CD274: variants seen among roughly 807,000 people sequenced by gnomAD.
CD274 encodes CD274 molecule.
A neutral mutation model predicts 30.1 loss-of-function variants in CD274; 8 were observed. That is an observed-to-expected ratio of 0.27 (90% CI 0.16 to 0.48). CD274 has a LOEUF of 0.48. Ranked by LOEUF, CD274 falls within the 20% of genes least tolerant of loss-of-function variation. The pLI, the probability that CD274 is intolerant of heterozygous loss-of-function variation, is 0.99. For missense variants in CD274, 353 were observed against 346.6 expected, an observed-to-expected ratio of 1.02 and a Z score of -0.15; for synonymous variants, 152 against 124.6, an observed-to-expected ratio of 1.22 and a Z score of -1.46.
At chr9:5,452,064 T>C (rs1819215395) in intron 1 of CD274, among the ~76,000 whole-genome samples, 1 of 150,124 alleles carries the variant, frequency 6.7e-6, no homozygotes, top group South Asian at 2.1e-4. Flanking sequence ...CTCACTCTGT[T>C]GCCCATGCTG....
intron 5 of CD274, among the ~76,000 whole-genome samples, chr9:5,466,447 A>C (rs1425777106): frequency 6.6e-6 from 1 of 152,214 alleles, no homozygotes; most frequent in African/African-American, 2.4e-5. Context: ...ATGCATTTTG[A>C]ATATTTCTCT....
chr9:5,458,222 T>C (rs894161248), intron 3 of CD274, among the ~76,000 whole-genome samples: 1 of 152,246 alleles, frequency 6.6e-6, no homozygotes, highest in African/African-American at 2.4e-5. Context: ...GCTTTCATTG[T>C]TGAGTTTCAC....
At chr9:5,459,962 T>G (rs1395203425) in intron 3 of CD274, among the ~76,000 whole-genome samples, 1 of 151,712 alleles carries the variant, frequency 6.6e-6, no homozygotes, top group Non-Finnish European at 1.5e-5. Flanking sequence ...ATCTAGTATA[T>G]TGTGTAGCAT....
At chr9:5,457,961 A>G (rs1303113601) in intron 3 of CD274, among the ~76,000 whole-genome samples, 1 of 152,240 alleles carries the variant, frequency 6.6e-6, no homozygotes, top group African/African-American at 2.4e-5. Flanking sequence ...TCACATTAAA[A>G]AAGACTTGAA....
chr9:5,466,851 G>C, intron 6 of CD274, 22 bp downstream of exon 6: 1 of 1,582,940 alleles, frequency 6.3e-7, no homozygotes, highest in Non-Finnish European at 8.7e-7. Flanking sequence ...AGAAGGAATT[G>C]GGAAGTAAAA....
In CD274 at chr9:5,468,147, C is replaced by T. The variant is rs1272460044; in HGVS notation, c.*285C>T. ...AGAAAGGATACTTCTGAACAAGGAG[C>T]CTCCAAGCAAATCATCCATTGCTCA... On this transcript the variant is annotated 3_prime_UTR_variant, in exon 7 of 7. Transcript: ENST00000381577. The T allele has an allele frequency of 2.3e-6, 1 of 435,772 alleles. No homozygotes were observed. Among genetic ancestry groups the T allele is most frequent in the African/African-American group, 2.0e-5 (1 of 50,328 alleles). The allele number at this position is 435,772 out of a possible 1,614,324, so 27.0% of individuals were successfully genotyped here. A position where few individuals can be genotyped will look rare whatever the true frequency, so the allele number is the denominator to read the frequency against.
intron 2 of CD274, among the ~76,000 whole-genome samples, chr9:5,456,379 A>G (rs901645531): frequency 2.0e-5 from 3 of 152,244 alleles, no homozygotes; most frequent in African/African-American, 7.2e-5. Context: ...AATATAGACA[A>G]ATTGAAAGAC....
At chr9:5,459,039 A>G (rs1362563816) in intron 3 of CD274, among the ~76,000 whole-genome samples, 1 of 152,126 alleles carries the variant, frequency 6.6e-6, no homozygotes, top group Non-Finnish European at 1.5e-5. Flanking sequence ...TGTGTAGGGA[A>G]GGGACAGCTG....
chr9:5,465,818 G>A (rs1315719168), intron 5 of CD274: 1 of 397,236 alleles, frequency 2.5e-6, no homozygotes, highest in African/African-American at 2.1e-5. Flanking sequence ...GATGGAGGTA[G>A]AAGATGCAGT....
chr9:5,456,489 A>C (rs770792833), intron 2 of CD274, among the ~76,000 whole-genome samples: 4 of 152,208 alleles, frequency 2.6e-5, no homozygotes, highest in Non-Finnish European at 5.9e-5. Flanking sequence ...CAACAAGGCC[A>C]AGATCCTTTG....
chr9:5,455,712 G>C (rs985722521), intron 1 of CD274, among the ~76,000 whole-genome samples: 1 of 152,156 alleles, frequency 6.6e-6, no homozygotes, highest in African/African-American at 2.4e-5. Flanking sequence ...GTAAAAGTCA[G>C]ATTCTCCTTG....
At chr9:5,466,304 G>T (rs1336975928) in intron 5 of CD274, among the ~76,000 whole-genome samples, 2 of 152,178 alleles carry the variant, frequency 1.3e-5, no homozygotes, top group African/African-American at 4.8e-5. Flanking sequence ...TTAACTGAGA[G>T]AGTAGAGATA....
In CD274 at chr9:5,468,121, G is replaced by A; in HGVS notation, c.*259G>A. ...GGGGCTCATCGACGCCTGTGACAGG[G>A]AGAAAGGATACTTCTGAACAAGGAG... On this transcript the variant is annotated 3_prime_UTR_variant, in exon 7 of 7. Coordinates refer to ENST00000381577, the MANE Select transcript of CD274 (RefSeq NM_014143.4). The A allele has an allele frequency of 2.0e-6, 1 of 508,034 alleles. No homozygotes were observed. The highest frequency in any genetic ancestry group is 3.5e-6 in the Non-Finnish European group (1 of 284,758). 31.5% of individuals were successfully genotyped at this position (508,034 alleles called of 1,614,324 possible). A position where few individuals can be genotyped will look rare whatever the true frequency, so the allele number is the denominator to read the frequency against.
chr9:5,453,438 A>G (rs1819243229), intron 1 of CD274, among the ~76,000 whole-genome samples: 1 of 152,236 alleles, frequency 6.6e-6, no homozygotes, highest in African/African-American at 2.4e-5. Flanking sequence ...CAGCAACACT[A>G]TTTGGGAAAA....
chr9:5,456,052 TTTAA>T, intron 1 of CD274, 44 bp from the exon 2 acceptor site: 1 of 1,038,620 alleles, frequency 9.6e-7, no homozygotes, highest in Non-Finnish European at 1.5e-6. Context: ...ATATTGTATG[TTTAA>T]TTATTAAGTG....
At position 5,469,851 on chromosome 9, in the gene CD274, A is replaced by C. The variant is rs1246183804; in HGVS notation, c.*1989A>C. The C allele has an allele frequency of 2.6e-5, 6 of 232,984 alleles. No individual in the cohort carries two copies. Among genetic ancestry groups the C allele is most frequent in the Non-Finnish European group, 4.2e-5 (5 of 117,942 alleles). The allele number at this position is 232,984 out of a possible 1,614,324, so 14.4% of individuals were successfully genotyped here. A position where few individuals can be genotyped will look rare whatever the true frequency, so the allele number is the denominator to read the frequency against. On this transcript the variant is annotated 3_prime_UTR_variant, in exon 7 of 7. Transcript: ENST00000381577. ...AATCTTATTATTAACTCTGTATGAC[A>C]GAATCATGTCTGGAACTTTTGTTTT...
At chr9:5,459,595 A>C (rs1308040292) in intron 3 of CD274, among the ~76,000 whole-genome samples, 4 of 152,262 alleles carry the variant, frequency 2.6e-5, no homozygotes, top group Non-Finnish European at 5.9e-5. Flanking sequence ...GAAACATTTC[A>C]AAACTGAAAT....
chr9:5,452,445 C>T (rs911930328), intron 1 of CD274, among the ~76,000 whole-genome samples: 2 of 152,216 alleles, frequency 1.3e-5, no homozygotes, highest in Non-Finnish European at 2.9e-5. Context: ...CTGAATGAGC[C>T]ATCACTTCTT....
At chr9:5,467,166 G>C (rs1819510669) in intron 6 of CD274, among the ~76,000 whole-genome samples, 1 of 151,340 alleles carries the variant, frequency 6.6e-6, no homozygotes, top group African/African-American at 2.4e-5. Flanking sequence ...ACCATGCACG[G>C]TATCTCATTT....
Sources: allele counts gnomAD v4.1 joint callset (sites outside exome capture counted in the v4.1 genomes callset), GRCh38; gene constraint gnomAD v4.1.1; transcripts MANE v1.5; gene names NCBI Gene and HGNC (gene_info 2026-07-23, HGNC 2026-07-21).